TRIO: variants seen among roughly 807,000 people sequenced by gnomAD.
TRIO encodes the protein trio Rho guanine nucleotide exchange factor.
Under a neutral mutation model 351.9 loss-of-function variants are expected in TRIO, and 58 were observed. The observed-to-expected ratio is 0.16, with a 90% confidence interval of 0.13 to 0.21. TRIO has a LOEUF of 0.21. Ranked by LOEUF, TRIO falls within the 10% of genes least tolerant of loss-of-function variation. TRIO has a pLI of 1.00. For synonymous variants in TRIO, 1,758 were observed against 1,595.7 expected (o/e 1.10, Z -2.42); for missense variants, 3,201 against 4,027.8 (o/e 0.79, Z 5.56).
chr5:14,403,431 A>AGGTTGTGAGGGTGTG (rs1748338641), intron 31 of TRIO, among the ~76,000 whole-genome samples: 1 of 67,816 alleles, frequency 1.5e-5, no homozygotes, highest in African/African-American at 7.5e-5. Flanking sequence ...GTGAGGGTGT[A>AGGTTGTGAGGGTGTG]GGTTGTGGTG....
intron 1 of TRIO, among the ~76,000 whole-genome samples, chr5:14,232,448 G>A (rs1793500244): frequency 6.6e-6 from 1 of 152,066 alleles, no homozygotes; most frequent in Non-Finnish European, 1.5e-5. Flanking sequence ...CCTCTATAAC[G>A]CTCAGCTTTA....
chr5:14,222,017 AC>A (rs1257425473), intron 1 of TRIO, among the ~76,000 whole-genome samples: 5 of 151,870 alleles, frequency 3.3e-5, no homozygotes, highest in African/African-American at 1.2e-4. Flanking sequence ...TGCCGCAGCC[AC>A]CCCAGCCTTC....
chr5:14,180,268 AT>A (rs1267601593), intron 1 of TRIO, among the ~76,000 whole-genome samples: 1 of 152,174 alleles, frequency 6.6e-6, no homozygotes, highest in Non-Finnish European at 1.5e-5. Flanking sequence ...CAAACCGATC[AT>A]TAGATGTTGC....
intron 34 of TRIO, among the ~76,000 whole-genome samples, chr5:14,424,929 C>G (rs557661812): frequency 6.6e-6 from 1 of 152,352 alleles, no homozygotes; most frequent in East Asian, 1.9e-4. Context: ...TTCCACTTGA[C>G]TGTCTTAGCA....
intron 31 of TRIO, among the ~76,000 whole-genome samples, 195 bp downstream of exon 31, chr5:14,401,259 G>A (rs1321923554): frequency 1.3e-5 from 2 of 152,184 alleles, no homozygotes; most frequent in African/African-American, 4.8e-5. Context: ...GAAACAATTT[G>A]AGTTAAACTT....
chr5:14,459,840 G>T (rs1753636850), intron 34 of TRIO, among the ~76,000 whole-genome samples: 1 of 152,090 alleles, frequency 6.6e-6, no homozygotes, highest in African/African-American at 2.4e-5. Context: ...ATGAGAAGCT[G>T]GTTTGGATAT....
At chr5:14,297,349 G>C in intron 7 of TRIO, 86 bp downstream of exon 7, 1 of 1,438,552 alleles carries the variant, frequency 7.0e-7, no homozygotes. Flanking sequence ...AAACACTCTT[G>C]TGTAGCACAT....
chr5:14,298,307 C>A (rs895387723), intron 7 of TRIO, among the ~76,000 whole-genome samples: 3 of 152,148 alleles, frequency 2.0e-5, no homozygotes, highest in African/African-American at 7.2e-5. Context: ...TTGCTCATGA[C>A]TCAGAGTTTA....
rs570567007 is a variant in TRIO, at chr5:14,232,379, T to C, written c.158-38446T>C. Among the ~76,000 whole-genome samples the C allele has an allele frequency of 4.6e-5, 7 of 152,320 alleles. No homozygotes were observed. The South Asian group carries it at 1.5e-3, about 32-fold the overall frequency. ...CATCTTTGGTGGTCTTAGGTGTCAC[T>C]GTTGCAGACAGGCATTTTTCTGGCC... On this transcript the variant is annotated intron_variant, in intron 1 of 56. Transcript: ENST00000344204.
intron 20 of TRIO, among the ~76,000 whole-genome samples, chr5:14,380,547 A>G (rs1460455603): frequency 6.6e-6 from 1 of 152,186 alleles, no homozygotes; most frequent in Non-Finnish European, 1.5e-5. Context: ...GGCTCATAGT[A>G]GTGGTTTCTT....
At chr5:14,377,028 G>A (rs760169164) in intron 19 of TRIO, among the ~76,000 whole-genome samples, 2 of 152,126 alleles carry the variant, frequency 1.3e-5, no homozygotes, top group Non-Finnish European at 2.9e-5. Context: ...CTAAAGAATT[G>A]TTCATCGTTT....
At chr5:14,234,796 A>G (rs1793670005) in intron 1 of TRIO, among the ~76,000 whole-genome samples, 3 of 152,254 alleles carry the variant, frequency 2.0e-5, no homozygotes, top group Non-Finnish European at 4.4e-5. Flanking sequence ...GGTGTGGAAC[A>G]TTTAAAAAGT....
chr5:14,262,829 AGGGTTGGATGTTCAGGG>A (rs1433441790), intron 1 of TRIO, among the ~76,000 whole-genome samples: 1 of 152,044 alleles, frequency 6.6e-6, no homozygotes, highest in African/African-American at 2.4e-5. Flanking sequence ...AGCATGAGGC[AGGGTTGGATGTTCAGGG>A]GGGCATGGCT....
At chr5:14,294,384 T>C (rs1190993252) in intron 6 of TRIO, among the ~76,000 whole-genome samples, 1 of 152,218 alleles carries the variant, frequency 6.6e-6, no homozygotes, top group Non-Finnish European at 1.5e-5. Context: ...GTAAGAGAAT[T>C]TCTGGTTCGA....
At position 14,330,771 on chromosome 5, in the gene TRIO, A is replaced by G. The variant is rs201714018; in HGVS notation, c.1732-7A>G. 6 of 1,613,600 alleles carry G rather than the reference A, an allele frequency of 3.7e-6. No individual in the cohort carries two copies. The highest frequency in any genetic ancestry group is 5.1e-6 in the Non-Finnish European group (6 of 1,179,750). On this transcript the variant is annotated splice_polypyrimidine_tract_variant and splice_region_variant and intron_variant, in intron 9 of 56. Coordinates refer to ENST00000344204, the MANE Select transcript of TRIO (RefSeq NM_007118.4). ...TTTATGGCATATGTACCTGTATTTC[A>G]TTGTAGGTGCTAGACTGGATCGAGA... is the stretch of plus-strand genomic sequence containing the variant.
chr5:14,365,029 A>G (rs1445731602), intron 15 of TRIO, among the ~76,000 whole-genome samples: 2 of 152,210 alleles, frequency 1.3e-5, no homozygotes, highest in Non-Finnish European at 2.9e-5. Context: ...TGGCCAGGAC[A>G]GCTGGCTGGC....
intron 11 of TRIO, among the ~76,000 whole-genome samples, chr5:14,350,883 TG>T (rs919870229): frequency 1.3e-5 from 2 of 152,040 alleles, no homozygotes; most frequent in African/African-American, 4.8e-5. Context: ...GGGGCAGGGA[TG>T]GTTTTAGGGT....
intron 48 of TRIO, 110 bp from the exon 49 acceptor site, chr5:14,492,457 C>T (rs1411468351): frequency 2.0e-6 from 3 of 1,468,558 alleles, no homozygotes; most frequent in Non-Finnish European, 2.8e-6. Context: ...GCCTGGTGAG[C>T]CCTGCACGGG....
chr5:14,329,650 G>T (rs1465778870), intron 9 of TRIO, among the ~76,000 whole-genome samples: 2 of 152,328 alleles, frequency 1.3e-5, no homozygotes, highest in East Asian at 3.9e-4. Context: ...CAAAGTATGA[G>T]TGAACCTTCA....
Sources: gnomAD v4.1 joint callset for allele counts (sites outside exome capture counted in the v4.1 genomes callset) on GRCh38, gnomAD v4.1.1 for gene constraint, MANE v1.5 for transcripts, NCBI Gene and HGNC (gene_info 2026-07-23, HGNC 2026-07-21) for gene names.